Variants in SMURF2 observed in about 807,000 individuals in gnomAD.
The protein encoded by SMURF2 is E3 ubiquitin-protein ligase SMURF2.
SMURF2 carries 48 observed loss-of-function variants against 109.6 expected under a neutral mutation model. The observed-to-expected ratio is 0.44, with a 90% CI of 0.35 to 0.56. SMURF2 has a LOEUF of 0.56. SMURF2 is among the 20% of genes least tolerant of loss of function. SMURF2 has a pLI of 0.01. For synonymous variants in SMURF2, 288 were observed against 317.1 expected, an observed-to-expected ratio of 0.91 and a Z score of 0.97; for missense variants, 575 against 909.0, an observed-to-expected ratio of 0.63 and a Z score of 4.72.
chr17:64,628,343 C>T (rs1471216238), intron 1 of SMURF2, among the ~76,000 whole-genome samples: 1 of 152,172 alleles, frequency 6.6e-6, no homozygotes, highest in African/African-American at 2.4e-5. Context: ...ACTACTGGGT[C>T]TGCCTCAACT....
chr17:64,559,047 A>C (rs1969169002), intron 12 of SMURF2, among the ~76,000 whole-genome samples: 1 of 152,224 alleles, frequency 6.6e-6, no homozygotes, highest in Non-Finnish European at 1.5e-5. Context: ...AGAGATTAAA[A>C]AAAGAAGTAA....
At chr17:64,586,514 C>T (rs371783155) in intron 5 of SMURF2, among the ~76,000 whole-genome samples, 1 of 151,552 alleles carries the variant, frequency 6.6e-6, no homozygotes, top group East Asian at 1.9e-4. Context: ...TTTGGGAGGC[C>T]GAGGCGGGCA....
intron 6 of SMURF2, 107 bp downstream of exon 6, chr17:64,585,979 A>T: frequency 1.8e-6 from 1 of 571,218 alleles, no homozygotes; most frequent in Non-Finnish European, 2.8e-6. Context: ...ATCTACATTC[A>T]ATATACGATA....
chr17:64,571,561 A>G (rs1280764071), intron 10 of SMURF2, among the ~76,000 whole-genome samples: 1 of 151,952 alleles, frequency 6.6e-6, no homozygotes, highest in Admixed American at 6.6e-5. Context: ...ATACACCACC[A>G]CACCCAGCTA....
intron 1 of SMURF2, among the ~76,000 whole-genome samples, chr17:64,645,638 TTTTG>T (rs1970549372): frequency 6.6e-6 from 1 of 152,120 alleles, no homozygotes; most frequent in Admixed American, 6.5e-5. Flanking sequence ...CATGTCTCCT[TTTTG>T]TTTGTTTTTA....
intron 1 of SMURF2, among the ~76,000 whole-genome samples, chr17:64,607,829 G>C (rs1056613284): frequency 9.9e-5 from 15 of 150,960 alleles, no homozygotes; most frequent in Admixed American, 8.6e-4. Flanking sequence ...AAATTAGCTG[G>C]GTGTAGTGGC....
At chr17:64,597,785 A>G (rs1555688222) in intron 3 of SMURF2, among the ~76,000 whole-genome samples, 1 of 151,094 alleles carries the variant, frequency 6.6e-6, no homozygotes, top group East Asian at 1.9e-4. Flanking sequence ...AAAAAAAAAA[A>G]TTACCTAAAA....
rs565270045 is a variant in SMURF2, at chr17:64,622,901, T to C, written c.53-16261A>G. ...GTTTGGAATTATTCTGCATGGGAGA[T>C]TTGTCTATCCCCTATCTAATCATTT... On this transcript the variant is annotated intron_variant, in intron 1 of 18. Transcript: ENST00000262435. 2.0e-4 allele frequency among the ~76,000 whole-genome samples: 30 copies of C among 152,178 alleles called. 1 individual carries two copies. The highest frequency in any genetic ancestry group is 1.0e-4 in the Non-Finnish European group (7 of 68,024).
At chr17:64,605,744 A>AAT (rs71158333) in intron 2 of SMURF2, among the ~76,000 whole-genome samples, 20,886 of 98,646 alleles carry the variant, frequency 0.21, 2,080 homozygotes, top group Middle Eastern at 0.25. Flanking sequence ...CTCTAAAAAG[A>AAT]ATATATATAT....
chr17:64,545,875 T>C lies in SMURF2; in HGVS notation c.2220A>G (p.Glu740=). 3 of 1,610,626 alleles carry C rather than the reference T, an allele frequency of 1.9e-6. No homozygotes were observed. Among genetic ancestry groups the C allele is most frequent in the Non-Finnish European group, 2.5e-6 (3 of 1,176,894 alleles). ...KLYEKLLTAI[E]ETCGFAVE The stretch of plus-strand genomic sequence containing the variant: ...ATTCCACAGCAAATCCACATGTTTC[T>C]TCAATGGCTGTTAGCAGCTTTTCAT... The change falls in exon 19 of 19, where the codon GAA becomes GAG. Residue 740 remains glutamate (E), a synonymous_variant. Coordinates refer to ENST00000262435, the MANE Select transcript of SMURF2 (RefSeq NM_022739.4).
intron 9 of SMURF2, among the ~76,000 whole-genome samples, chr17:64,577,593 A>C (rs1555686173): frequency 6.6e-6 from 1 of 150,906 alleles, no homozygotes; most frequent in Admixed American, 6.6e-5. Context: ...CACTAAAAAA[A>C]AAAAAAGAGA....
At chr17:64,585,042 G>A (rs1163690147) in intron 6 of SMURF2, among the ~76,000 whole-genome samples, 2 of 152,228 alleles carry the variant, frequency 1.3e-5, no homozygotes, top group Admixed American at 1.3e-4. Context: ...TAAAAAATGA[G>A]TAAATACCAT....
At position 64,542,341 on chromosome 17, in the gene SMURF2, C is replaced by T. The variant is rs1487010969; in HGVS notation, c.*3507G>A. ...CAGCATTGATTTTATTGCTCGACTTCGGCATGGGCACATACATAGTTAATT... is the reference window on the plus strand; with the variant it reads ...CAGCATTGATTTTATTGCTCGACTTTGGCATGGGCACATACATAGTTAATT... On this transcript the variant is annotated 3_prime_UTR_variant, in exon 19 of 19. Transcript: ENST00000262435. 4 of 152,084 alleles carry T rather than the reference C, an allele frequency of 2.6e-5. No homozygotes were observed. The highest frequency in any genetic ancestry group is 2.6e-4 in the Admixed American group (4 of 15,272). 9.4% of individuals were successfully genotyped at this position (152,084 alleles called of 1,614,324 possible).
At chr17:64,546,954 C>T (rs1968964153) in intron 17 of SMURF2, among the ~76,000 whole-genome samples, 2 of 152,226 alleles carry the variant, frequency 1.3e-5, no homozygotes, top group Admixed American at 1.3e-4. Context: ...GTACCAGTGT[C>T]GCTTTGTGTG....
intron 9 of SMURF2, among the ~76,000 whole-genome samples, chr17:64,573,578 A>T (rs1300820689): frequency 3.9e-5 from 6 of 152,272 alleles, no homozygotes; most frequent in African/African-American, 1.4e-4. Context: ...AAAAGAGGCA[A>T]GGGAAAGTTC....
At chr17:64,566,699 G>A (rs1280723639) in intron 10 of SMURF2, among the ~76,000 whole-genome samples, 1 of 148,800 alleles carries the variant, frequency 6.7e-6, no homozygotes, top group African/African-American at 2.5e-5. Context: ...AGCCTCCCGA[G>A]TAGCTGGGAC....
chr17:64,568,714 A>C (rs1469875983), intron 10 of SMURF2, among the ~76,000 whole-genome samples: 4 of 152,086 alleles, frequency 2.6e-5, no homozygotes, highest in African/African-American at 9.7e-5. Flanking sequence ...CCTTTAAAAA[A>C]ACCCAGGCCG....
At chr17:64,620,720 TAA>T (rs1385884127) in intron 1 of SMURF2, among the ~76,000 whole-genome samples, 38 of 152,222 alleles carry the variant, frequency 2.5e-4, no homozygotes, top group Non-Finnish European at 4.7e-4. Flanking sequence ...TTTTGCTTGT[TAA>T]AGTTATTCAT....
At chr17:64,616,799 TG>T (rs1970128568) in intron 1 of SMURF2, among the ~76,000 whole-genome samples, 1 of 152,030 alleles carries the variant, frequency 6.6e-6, no homozygotes, top group Non-Finnish European at 1.5e-5. Flanking sequence ...GCTGGCACAG[TG>T]GCTCATGCCT....
Sources: gnomAD v4.1 joint callset for allele counts (sites outside exome capture counted in the v4.1 genomes callset) on GRCh38, gnomAD v4.1.1 for gene constraint, MANE v1.5 for transcripts, NCBI Gene and HGNC (gene_info 2026-07-23, HGNC 2026-07-21) for gene names.